Variants in SERPINE2 observed in about 807,000 individuals in gnomAD.
SERPINE2 encodes the protein serpin family E member 2, also known as glia-derived nexin.
SERPINE2 carries 14 observed loss-of-function variants against 36.3 expected under a neutral mutation model. The ratio of observed to expected loss-of-function variants is 0.39; its 90% confidence interval spans 0.25 to 0.60. SERPINE2 has a LOEUF of 0.60. Ranked by LOEUF, SERPINE2 falls within the 20% of genes least tolerant of loss-of-function variation. SERPINE2 has a pLI of 0.57. For missense variants in SERPINE2, 418 were observed against 499.6 expected, an observed-to-expected ratio of 0.84 and a Z score of 1.56; for synonymous variants, 192 against 191.8, an observed-to-expected ratio of 1.00 and a Z score of -0.01.
chr2:223,997,088 A>G (rs913735743), intron 3 of SERPINE2, among the ~76,000 whole-genome samples: 19 of 152,096 alleles, frequency 1.2e-4, no homozygotes, highest in Admixed American at 9.2e-4. Context: ...AAAAAATTAA[A>G]AATAAAAAAA....
chr2:223,996,694 C>A (rs961411727), intron 3 of SERPINE2, among the ~76,000 whole-genome samples: 2 of 152,186 alleles, frequency 1.3e-5, no homozygotes, highest in Non-Finnish European at 2.9e-5. Flanking sequence ...AGTAACCACA[C>A]TTTTAAGAAA....
chr2:224,001,452 G>C (rs1346245311), intron 2 of SERPINE2, 190 bp downstream of exon 2: 4 of 590,706 alleles, frequency 6.8e-6, no homozygotes, highest in East Asian at 5.8e-5. Context: ...CCAGAGTCTA[G>C]TTCTCCTAAC....
At chr2:224,037,572 C>G (rs994189691) in intron 1 of SERPINE2, among the ~76,000 whole-genome samples, 3 of 152,132 alleles carry the variant, frequency 2.0e-5, no homozygotes, top group Admixed American at 1.3e-4. Flanking sequence ...AGCCCAAGAG[C>G]CAAAGTCCCC....
At chr2:224,004,160 G>C (rs1691301867) in intron 1 of SERPINE2, among the ~76,000 whole-genome samples, 1 of 152,080 alleles carries the variant, frequency 6.6e-6, no homozygotes, top group Non-Finnish European at 1.5e-5. Context: ...CTAAGAAAAC[G>C]CTTGTGTTTA....
At chr2:224,033,442 T>C (rs1306498003) in intron 1 of SERPINE2, among the ~76,000 whole-genome samples, 3 of 152,158 alleles carry the variant, frequency 2.0e-5, no homozygotes, top group Admixed American at 6.5e-5. Flanking sequence ...TTAACACTTA[T>C]GAGAAAGCCA....
rs542995901 is a variant in SERPINE2, at chr2:223,996,847, C to A, written c.487+1268G>T. Among the ~76,000 whole-genome samples, 84 of 152,218 alleles carry A rather than the reference C, an allele frequency of 5.5e-4. 3 individuals carry two copies. In the South Asian group the frequency reaches 0.016, roughly 30 times the overall value. ...ATCCCAGCACTCTGGGAGGCTGAGG[C>A]GAGAGGACTGCTTGAACCCAAGAGT... On this transcript the variant is annotated intron_variant, in intron 3 of 8. Transcript: ENST00000409304.
intron 1 of SERPINE2, among the ~76,000 whole-genome samples, chr2:224,004,381 G>T (rs957387007): frequency 2.0e-5 from 3 of 152,174 alleles, no homozygotes; most frequent in African/African-American, 7.2e-5. Flanking sequence ...AGAATGTTCC[G>T]TGTTTCTCCA....
intron 4 of SERPINE2, among the ~76,000 whole-genome samples, chr2:223,985,330 T>C (rs1458323517): frequency 6.6e-6 from 1 of 151,790 alleles, no homozygotes; most frequent in Non-Finnish European, 1.5e-5. Flanking sequence ...TAAAGTGTAT[T>C]GTGTATATTA....
At chr2:224,031,417 G>T in intron 1 of SERPINE2, 1 of 985,638 alleles carries the variant, frequency 1.0e-6, no homozygotes, top group Non-Finnish European at 1.2e-6. Flanking sequence ...CAGAAAGAAA[G>T]GCAGCTGGGG....
chr2:224,028,608 G>C (rs139632859), intron 1 of SERPINE2, among the ~76,000 whole-genome samples: 23 of 152,126 alleles, frequency 1.5e-4, no homozygotes, highest in African/African-American at 5.1e-4. Context: ...AATCGGAGCC[G>C]GGTGTTCTAC....
chr2:223,998,555 C>T (rs1436701793), intron 2 of SERPINE2, among the ~76,000 whole-genome samples: 1 of 151,744 alleles, frequency 6.6e-6, no homozygotes, highest in Admixed American at 6.6e-5. Flanking sequence ...CTGTCTCTAC[C>T]AAAAATACAA....
intron 1 of SERPINE2, among the ~76,000 whole-genome samples, chr2:224,002,174 A>T (rs1255296843): frequency 1.3e-5 from 2 of 151,892 alleles, no homozygotes; most frequent in Non-Finnish European, 2.9e-5. Context: ...ATGGGATTTC[A>T]CCATGTTGGC....
intron 1 of SERPINE2, among the ~76,000 whole-genome samples, chr2:224,025,628 C>T (rs1369879949): frequency 6.6e-6 from 1 of 152,166 alleles, no homozygotes; most frequent in Non-Finnish European, 1.5e-5. Flanking sequence ...CACAGTCTTC[C>T]CAGGTAGTGT....
intron 1 of SERPINE2, among the ~76,000 whole-genome samples, chr2:224,028,168 C>G (rs2106199084): frequency 6.6e-6 from 1 of 152,324 alleles, no homozygotes; most frequent in African/African-American, 2.4e-5. Flanking sequence ...GGAGAGGTAA[C>G]AGGTGACAGG....
intron 4 of SERPINE2, among the ~76,000 whole-genome samples, chr2:223,988,345 A>T (rs1690520520): frequency 6.6e-6 from 1 of 151,942 alleles, no homozygotes; most frequent in African/African-American, 2.4e-5. Flanking sequence ...ATTTTTAAAC[A>T]TTTTTTTGTA....
intron 1 of SERPINE2, among the ~76,000 whole-genome samples, chr2:224,023,623 GAAGA>G (rs1692085385): frequency 6.6e-6 from 1 of 152,184 alleles, no homozygotes; most frequent in South Asian, 2.1e-4. Flanking sequence ...AAAAGGTTCA[GAAGA>G]AATAAAACAG....
rs1313286219 is a variant in SERPINE2, at chr2:224,017,429, A to C, written c.-22-15507T>G. Among the ~76,000 whole-genome samples the C allele has an allele frequency of 2.0e-5, 3 of 152,234 alleles. No individual in the cohort carries two copies. In the East Asian group the frequency reaches 5.8e-4, roughly 29 times the overall value. On this transcript the variant is annotated intron_variant, in intron 1 of 8. Transcript: ENST00000409304. The stretch of plus-strand genomic sequence containing the variant: ...CTGTACTGCAAATGTACAATCACAC[A>C]AAAATGTAATATTTTTGGTCCTTTC...
chr2:224,030,944 G>A, intron 1 of SERPINE2: 1 of 985,166 alleles, frequency 1.0e-6, no homozygotes, highest in Middle Eastern at 5.2e-4. Context: ...GAACTAGGGG[G>A]CCAAAGGCAT....
chr2:224,020,290 G>C (rs959370886), intron 1 of SERPINE2, among the ~76,000 whole-genome samples: 1 of 152,168 alleles, frequency 6.6e-6, no homozygotes, highest in Admixed American at 6.5e-5. Flanking sequence ...ACGAAGAATA[G>C]AAAGAAAGGT....
Sources: gnomAD v4.1 joint callset for allele counts (sites outside exome capture counted in the v4.1 genomes callset) on GRCh38, gnomAD v4.1.1 for gene constraint, MANE v1.5 for transcripts, NCBI Gene and HGNC (gene_info 2026-07-23, HGNC 2026-07-21) for gene names.